The following WHAMM variants were observed in gnomAD, a reference collection of about 807,000 sequenced individuals.
WHAMM encodes WASP homolog-associated protein with actin, membranes and microtubules.
In WHAMM, 67 loss-of-function variants were observed where a neutral mutation model predicts 76.5. That is an observed-to-expected ratio of 0.88 (90% CI 0.72 to 1.07). The LOEUF is 1.07. Among genes scored for constraint, WHAMM ranks in the 50% least tolerant of loss-of-function variants. The pLI is 0.00. For missense variants in WHAMM, 1,021 were observed against 1,051.1 expected (o/e 0.97, Z 0.40); for synonymous variants, 419 against 422.1 (o/e 0.99, Z 0.09).
At chr15:82,815,839 G>A (rs185409670) in intron 2 of WHAMM, among the ~76,000 whole-genome samples, 20 of 152,274 alleles carry the variant, frequency 1.3e-4, no homozygotes, top group African/African-American at 4.8e-4. Context: ...CTTAGGCTTT[G>A]TAGAAGAAAA....
chr15:82,826,900 C>T, intron 8 of WHAMM, 54 bp downstream of exon 8: 1 of 1,490,892 alleles, frequency 6.7e-7, no homozygotes. Flanking sequence ...TAACTGAAGA[C>T]CACCCTAAAA....
chr15:82,831,892 T>A (rs2051037659), intron 9 of WHAMM, among the ~76,000 whole-genome samples: 1 of 152,234 alleles, frequency 6.6e-6, no homozygotes, highest in Non-Finnish European at 1.5e-5. Context: ...GTTACTGTAA[T>A]AAGTGTTATG....
At chr15:82,818,287 C>T (rs1241594594) in intron 4 of WHAMM, among the ~76,000 whole-genome samples, 198 bp downstream of exon 4, 2 of 152,218 alleles carry the variant, frequency 1.3e-5, no homozygotes, top group East Asian at 1.9e-4. Context: ...CTCCCACCCT[C>T]TTACTCTTCT....
In WHAMM at chr15:82,826,777, G is replaced by A. The variant is rs562002747; in HGVS notation, c.1572G>A (p.Glu524=). The change falls in exon 8 of 10, where the codon GAG becomes GAA. Residue 524 remains glutamate, a synonymous_variant. Coordinates refer to ENST00000286760, the MANE Select transcript of WHAMM (RefSeq NM_001080435.3). ...QMKRDKIKEE[E]QKKKEWINQE... is the part of the protein sequence containing the mutation. ...AAAGAGACAAGATAAAAGAAGAGGAGCAAAAGAAAAAAGAATGGATCAACC... is the reference window on the plus strand; with the variant it reads ...AAAGAGACAAGATAAAAGAAGAGGAACAAAAGAAAAAAGAATGGATCAACC... 8.4e-6 allele frequency: 13 copies of A among 1,548,098 alleles called. No homozygotes were observed. Among genetic ancestry groups the A allele is most frequent in the South Asian group, 1.2e-5 (1 of 83,378 alleles).
At chr15:82,828,620 C>T (rs1048249851) in intron 8 of WHAMM, among the ~76,000 whole-genome samples, 3 of 152,114 alleles carry the variant, frequency 2.0e-5, no homozygotes, top group Non-Finnish European at 4.4e-5. Context: ...AATTGTTTGG[C>T]AATACAGAAG....
intron 1 of WHAMM, chr15:82,810,544 G>A (rs1355671770): frequency 3.0e-6 from 3 of 985,480 alleles, no homozygotes; most frequent in Non-Finnish European, 3.6e-6. Flanking sequence ...GAGAGGACAA[G>A]CGAAGTTAGA....
rs71156055 is a variant in WHAMM, at chr15:82,824,162, C to CTTTTTTTTTTTTTTTTTTT, written c.1458+888_1458+889insTTTTTTTTTTTTTTTTTTT. ...TACTCATATTTACTATACTTTTCTC[C>CTTTTTTTTTTTTTTTTTTT]TTTTTTTTTTTTTGAAACAGAGTCT... On this transcript the variant is annotated intron_variant, in intron 6 of 9. Transcript: ENST00000286760. 1.7e-3 allele frequency among the ~76,000 whole-genome samples: 202 copies of CTTTTTTTTTTTTTTTTTTT among 117,988 alleles called. 16 individuals carry two copies. Among genetic ancestry groups the CTTTTTTTTTTTTTTTTTTT allele is most frequent in the Non-Finnish European group, 2.5e-3 (142 of 57,544 alleles). 77.4% of individuals were successfully genotyped at this position (117,988 alleles called of 152,430 possible).
At chr15:82,821,325 A>C (rs2050823597) in intron 5 of WHAMM, among the ~76,000 whole-genome samples, 1 of 152,188 alleles carries the variant, frequency 6.6e-6, no homozygotes, top group African/African-American at 2.4e-5. Context: ...CTCCAATCCC[A>C]AAATTATGTC....
At chr15:82,820,545 C>T (rs1402854351) in intron 5 of WHAMM, among the ~76,000 whole-genome samples, 1 of 152,070 alleles carries the variant, frequency 6.6e-6, no homozygotes, top group African/African-American at 2.4e-5. Context: ...ATATTATTTT[C>T]TGATTTCTAA....
At chr15:82,824,162 CTTT>C (rs71156055) in intron 6 of WHAMM, among the ~76,000 whole-genome samples, 2 of 118,040 alleles carry the variant, frequency 1.7e-5, no homozygotes, top group African/African-American at 3.1e-5. Context: ...TACTTTTCTC[CTTT>C]TTTTTTTTTT....
chr15:82,826,735 A>C lies in WHAMM; in HGVS notation c.1546-16A>C, dbSNP rs1051130877. On this transcript the variant is annotated splice_polypyrimidine_tract_variant and intron_variant, in intron 7 of 9. Coordinates refer to ENST00000286760, the MANE Select transcript of WHAMM (RefSeq NM_001080435.3). The stretch of plus-strand genomic sequence containing the variant: ...AATGTTGAGCAATTTACAAATATAC[A>C]TTTGTTTAAATATAGAAAAGAGACA... The C allele has an allele frequency of 5.2e-6, 8 of 1,534,354 alleles. No homozygotes were observed. The African/African-American group carries it at 9.8e-5, about 19-fold the overall frequency.
chr15:82,833,489 T>C lies in WHAMM; in HGVS notation c.2383T>C (p.Ser795Pro). 1.2e-5 allele frequency: 20 copies of C among 1,613,952 alleles called. No individual in the cohort carries two copies. The highest frequency in any genetic ancestry group is 1.7e-5 in the Non-Finnish European group (20 of 1,179,872). Reference sequence around the variant, plus strand: ...GAGAATCAAGAGGGTGTCTGCTGACTCTGAGGAGGACAGTGATGAGCAGGA... The same window carrying C: ...GAGAATCAAGAGGGTGTCTGCTGACCCTGAGGAGGACAGTGATGAGCAGGA... ...LQRIKRVSADSEEDSDEQDPG... is the reference protein window; with the variant it reads ...LQRIKRVSADPEEDSDEQDPG... The change falls in exon 10 of 10, where the codon TCT (serine) becomes CCT (proline). Residue 795 changes from serine (S) to proline (P), a missense_variant. Around this residue, in one of 3 missense-constraint regions of WHAMM, gnomAD observed 509 missense variants for 492.3 expected, o/e 1.03. Coordinates refer to ENST00000286760, the MANE Select transcript of WHAMM (RefSeq NM_001080435.3).
intron 5 of WHAMM, among the ~76,000 whole-genome samples, chr15:82,820,491 A>G (rs2050801261): frequency 6.6e-6 from 1 of 152,214 alleles, no homozygotes; most frequent in African/African-American, 2.4e-5. Context: ...ATTTTGATAC[A>G]TAACAGTACA....
At chr15:82,832,334 C>G (rs1344564291) in intron 9 of WHAMM, among the ~76,000 whole-genome samples, 1 of 152,200 alleles carries the variant, frequency 6.6e-6, no homozygotes, top group Non-Finnish European at 1.5e-5. Context: ...GCAAAATAGC[C>G]TTTTGTTAGC....
chr15:82,829,699 T>TG (rs56040281), intron 8 of WHAMM, among the ~76,000 whole-genome samples: 4,917 of 151,306 alleles, frequency 0.032, 88 homozygotes, highest in Non-Finnish European at 0.047. Context: ...ATGGATTGCA[T>TG]GGGGGGGGTG....
intron 7 of WHAMM, 71 bp from the exon 8 acceptor site, chr15:82,826,680 A>G (rs749575016): frequency 1.2e-4 from 181 of 1,528,934 alleles, no homozygotes; most frequent in Non-Finnish European, 1.4e-4. Context: ...TTGCTGAGAC[A>G]TTTTTATTGT....
chr15:82,812,315 G>A (rs1356338841), intron 1 of WHAMM, among the ~76,000 whole-genome samples: 1 of 152,104 alleles, frequency 6.6e-6, no homozygotes, highest in African/African-American at 2.4e-5. Context: ...TGCAACCTCC[G>A]CCTCCCGGGT....
chr15:82,830,816 T>C lies in WHAMM; in HGVS notation c.1859T>C (p.Val620Ala). 6.2e-7 allele frequency: 1 copy of C among 1,608,406 alleles called. No homozygotes were observed. ...TGTCATGGAAATATCCCTGTCCAGGTTTTTGTTCCAGTTGGTGATCAAACA... is the reference window on the plus strand; with the variant it reads ...TGTCATGGAAATATCCCTGTCCAGGCTTTTGTTCCAGTTGGTGATCAAACA... ...QNCHGNIPVQ[V>A]FVPVGDQTHS... Residue 620 changes from valine (V) to alanine (A), a missense_variant, in exon 9 of 10, where the codon GTT (valine) becomes GCT (alanine). Val to Ala is a moderately conservative substitution (Grantham distance 64). Transcript: ENST00000286760.
chr15:82,823,083 C>G lies in WHAMM; in HGVS notation c.1271-17C>G. The G allele has an allele frequency of 7.7e-7, 1 of 1,291,212 alleles. No homozygotes were observed. The allele number at this position is 1,291,212 out of a possible 1,614,324, so 80.0% of individuals were successfully genotyped here. ...AATAATAAAATATGTTTTAAACAAT[C>G]ATTAATACATTTTTAGAAAAACAAG... On this transcript the variant is annotated splice_polypyrimidine_tract_variant and intron_variant, in intron 5 of 9. Coordinates refer to ENST00000286760, the MANE Select transcript of WHAMM (RefSeq NM_001080435.3).
Sources: gnomAD v4.1 joint callset for allele counts (sites outside exome capture counted in the v4.1 genomes callset) on GRCh38, gnomAD v4.1.1 for gene constraint, gnomAD v4.1.1 regional missense constraint, MANE v1.5 for transcripts, NCBI Gene and HGNC (gene_info 2026-07-23, HGNC 2026-07-21) for gene names.